CSNK1E: variants seen among roughly 807,000 people sequenced by gnomAD.
CSNK1E encodes casein kinase I isoform epsilon.
In CSNK1E, 17 loss-of-function variants were observed where a neutral mutation model predicts 46.1. The observed-to-expected ratio is 0.37, with a 90% CI of 0.25 to 0.55. CSNK1E has a LOEUF of 0.55. Ranked by LOEUF, CSNK1E falls within the 20% of genes least tolerant of loss-of-function variation. CSNK1E has a pLI of 0.82. For synonymous variants in CSNK1E, 241 were observed against 242.6 expected, an observed-to-expected ratio of 0.99 and a Z score of 0.06; for missense variants, 386 against 595.4, an observed-to-expected ratio of 0.65 and a Z score of 3.66.
At chr22:38,296,790 G>C (rs913473454) in intron 7 of CSNK1E, 15 of 1,425,040 alleles carry the variant, frequency 1.1e-5, no homozygotes, top group Non-Finnish European at 1.4e-5. Context: ...GAAGGAAATG[G>C]TCCCATCTGC....
At position 38,294,574 on chromosome 22, in the gene CSNK1E, G is replaced by A; in HGVS notation, c.886-40C>T. Reference sequence around the variant, plus strand: ...GAAAAGACACCAGTCAGCCCCAGAGGCCAGGGTGCTCTGGGCCCAGCAGCC... The same window carrying A: ...GAAAAGACACCAGTCAGCCCCAGAGACCAGGGTGCTCTGGGCCCAGCAGCC... On this transcript the variant is annotated intron_variant, in intron 7 of 10. Coordinates refer to ENST00000396832, the MANE Select transcript of CSNK1E (RefSeq NM_152221.3). The surrounding 1 kb of genome is among the most constrained non-coding windows in gnomAD (Gnocchi z 5.5). 1 of 1,531,406 alleles carries A rather than the reference G, an allele frequency of 6.5e-7. No homozygotes were observed. Among genetic ancestry groups the A allele is most frequent in the African/African-American group, 1.4e-5 (1 of 72,040 alleles). The allele number at this position is 1,531,406 out of a possible 1,614,324, so 94.9% of individuals were successfully genotyped here. A position where few individuals can be genotyped will look rare whatever the true frequency, so the allele number is the denominator to read the frequency against.
Position 38,296,273 on chromosome 22 carries a change from C to T in CSNK1E, c.886-1739G>A, listed in dbSNP as rs533265593. 6.0e-5 allele frequency: 73 copies of T among 1,206,646 alleles called. No homozygotes were observed. In the African/African-American group the frequency reaches 1.0e-3, roughly 17 times the overall value. 74.7% of individuals were successfully genotyped at this position (1,206,646 alleles called of 1,614,324 possible). On this transcript the variant is annotated intron_variant, in intron 7 of 10. Transcript: ENST00000396832. ...CAGCAAAGTCACACGAGCATCCACC[C>T]GTCATCATATGGACCTCTGTCCTTG...
intron 1 of CSNK1E, among the ~76,000 whole-genome samples, chr22:38,315,156 G>A (rs1029489282): frequency 6.6e-6 from 1 of 152,226 alleles, no homozygotes; most frequent in African/African-American, 2.4e-5. Context: ...CCTCGCCGAG[G>A]ACAGGGCTCC....
In CSNK1E at chr22:38,298,074, A is replaced by C. The variant is rs2092650183; in HGVS notation, c.885+712T>G. 8.5e-7 allele frequency: 1 copy of C among 1,173,944 alleles called. No individual in the cohort carries two copies. The highest frequency in any genetic ancestry group is 1.1e-6 in the Non-Finnish European group (1 of 923,496). The allele number at this position is 1,173,944 out of a possible 1,614,324, so 72.7% of individuals were successfully genotyped here. ...TCAAGTGGCAAATTTTGGAAAAGCC[A>C]GACCTCAGAGGATCCTTACCAGTAC... On this transcript the variant is annotated intron_variant, in intron 7 of 10. Coordinates refer to ENST00000396832, the MANE Select transcript of CSNK1E (RefSeq NM_152221.3). The surrounding 1 kb of genome is among the most constrained non-coding windows in gnomAD (Gnocchi z 4.2).
rs374953337 is a variant in CSNK1E at position 38,303,034 on chromosome 22, G to A, written c.188-25C>T. ...ACTGGGGGTCAAGCAGAGGGCCTCTGTCAGGGGTCAGAGGCAGGCAGCCAG... is the reference window on the plus strand; with the variant it reads ...ACTGGGGGTCAAGCAGAGGGCCTCTATCAGGGGTCAGAGGCAGGCAGCCAG... On this transcript the variant is annotated intron_variant, in intron 3 of 10. Coordinates refer to ENST00000396832, the MANE Select transcript of CSNK1E (RefSeq NM_152221.3). The surrounding 1 kb of genome is among the most constrained non-coding windows in gnomAD (Gnocchi z 4.7). 10 of 1,561,250 alleles carry A rather than the reference G, an allele frequency of 6.4e-6. No individual in the cohort carries two copies. In the African/African-American group the frequency reaches 6.9e-5, roughly 11 times the overall value.
chr22:38,302,302 T>C (rs1055041099), intron 4 of CSNK1E, among the ~76,000 whole-genome samples: 3 of 152,196 alleles, frequency 2.0e-5, no homozygotes, highest in Non-Finnish European at 2.9e-5. Context: ...GGCCAGGAGT[T>C]TGAGACCAGC....
At chr22:38,296,380 C>T in intron 7 of CSNK1E, 3 of 1,399,246 alleles carry the variant, frequency 2.1e-6, no homozygotes, top group Non-Finnish European at 2.8e-6. Flanking sequence ...TTCCAGGCCC[C>T]AGGGATCCAC....
At chr22:38,311,481 C>CCTGT (rs1555909008) in intron 2 of CSNK1E, among the ~76,000 whole-genome samples, 3 of 151,958 alleles carry the variant, frequency 2.0e-5, no homozygotes, top group African/African-American at 7.2e-5. Flanking sequence ...CAGCCATGGG[C>CCTGT]CTGTCTCCTG....
intron 2 of CSNK1E, among the ~76,000 whole-genome samples, chr22:38,305,433 A>C (rs62230184): frequency 1.8e-4 from 1 of 5,532 alleles, no homozygotes; most frequent in Non-Finnish European, 4.4e-4. Flanking sequence ...AAAGCCATTT[A>C]AAAAAAAAAA....
intron 7 of CSNK1E, chr22:38,297,083 A>G: frequency 1.3e-6 from 1 of 771,748 alleles, no homozygotes; most frequent in East Asian, 2.4e-5. Context: ...CGACATTTCC[A>G]GTCTTGATTA....
In CSNK1E at chr22:38,303,041, G is replaced by T. The variant is rs983372427; in HGVS notation, c.188-32C>A. 1 of 1,487,856 alleles carries T rather than the reference G, an allele frequency of 6.7e-7. No individual in the cohort carries two copies. Among genetic ancestry groups the T allele is most frequent in the South Asian group, 1.1e-5 (1 of 87,750 alleles). The allele number at this position is 1,487,856 out of a possible 1,614,324, so 92.2% of individuals were successfully genotyped here. On this transcript the variant is annotated intron_variant, in intron 3 of 10. Transcript: ENST00000396832. The surrounding 1 kb of genome is among the most constrained non-coding windows in gnomAD (Gnocchi z 4.7). Reference sequence around the variant, plus strand: ...GTCAAGCAGAGGGCCTCTGTCAGGGGTCAGAGGCAGGCAGCCAGCCACGCC... The same window carrying T: ...GTCAAGCAGAGGGCCTCTGTCAGGGTTCAGAGGCAGGCAGCCAGCCACGCC...
chr22:38,297,494 G>GAAGCCC, intron 7 of CSNK1E: 1 of 887,586 alleles, frequency 1.1e-6, no homozygotes, highest in South Asian at 4.5e-5. Context: ...AGAGAGAAGA[G>GAAGCCC]AAGCCCAAGA....
chr22:38,298,998 G>A lies in CSNK1E; in HGVS notation c.737-64C>T. On this transcript the variant is annotated intron_variant, in intron 6 of 10. Coordinates refer to ENST00000396832, the MANE Select transcript of CSNK1E (RefSeq NM_152221.3). This position sits in a 1 kb window ranked among gnomAD's most constrained non-coding sequence, Gnocchi z 4.2. ...GGCCCACGCTCCCAGACCCCCTGCA[G>A]CCAGCACTGTCCTAGCCACCCACTG... The A allele has an allele frequency of 1.3e-6, 2 of 1,586,316 alleles. No individual in the cohort carries two copies. The highest frequency in any genetic ancestry group is 1.7e-4 in the Middle Eastern group (1 of 5,998).
chr22:38,293,751 T>C (rs2092624403), intron 9 of CSNK1E, among the ~76,000 whole-genome samples: 1 of 151,900 alleles, frequency 6.6e-6, no homozygotes, highest in Non-Finnish European at 1.5e-5. Flanking sequence ...CACCCCATGC[T>C]CTTGCCAATG....
intron 1 of CSNK1E, chr22:38,316,745 A>G (rs1245483648): frequency 6.6e-6 from 1 of 152,146 alleles, no homozygotes. Flanking sequence ...GGGCCGGGAG[A>G]GCAGGGGGCG....
In CSNK1E at chr22:38,293,161, A is replaced by AC; in HGVS notation, c.*32+93dup. The AC allele has an allele frequency of 3.9e-6, 4 of 1,017,418 alleles. No individual in the cohort carries two copies. The South Asian group carries it at 5.1e-5, about 13-fold the overall frequency. The allele number at this position is 1,017,418 out of a possible 1,614,324, so 63.0% of individuals were successfully genotyped here. ...GGTACCATCTGCCACTGCCACTGCC[A>AC]CCCACCCCTCCACAACACATTGGTC... On this transcript the variant is annotated intron_variant, in intron 10 of 10. Transcript: ENST00000396832.
chr22:38,302,338 C>T (rs886204829), intron 4 of CSNK1E, among the ~76,000 whole-genome samples: 1 of 152,216 alleles, frequency 6.6e-6, no homozygotes, highest in Admixed American at 6.5e-5. Context: ...AGACCCCCAT[C>T]TCTATTTCTT....
chr22:38,293,121 A>C, intron 10 of CSNK1E, 134 bp downstream of exon 10: 1 of 753,088 alleles, frequency 1.3e-6, no homozygotes, highest in Non-Finnish European at 2.4e-6. Flanking sequence ...GGCCCCTTAG[A>C]GTTCTGGGGC....
At chr22:38,295,730 A>AC (rs1356219720) in intron 7 of CSNK1E, among the ~76,000 whole-genome samples, 1 of 152,156 alleles carries the variant, frequency 6.6e-6, no homozygotes, top group Non-Finnish European at 1.5e-5. Context: ...TGCTCTCTGC[A>AC]CCCCAAGAGG....
Sources: gnomAD v4.1 joint callset for allele counts (sites outside exome capture counted in the v4.1 genomes callset) on GRCh38, gnomAD v4.1.1 for gene constraint, Gnocchi (gnomAD v3.1) non-coding constraint, MANE v1.5 for transcripts, NCBI Gene and HGNC (gene_info 2026-07-23, HGNC 2026-07-21) for gene names.